The following PRICKLE1 variants were observed in gnomAD, a reference collection of about 807,000 sequenced individuals.
The protein encoded by PRICKLE1 is prickle-like protein 1.
Under a neutral mutation model 70.2 loss-of-function variants are expected in PRICKLE1, and 14 were observed. The ratio of observed to expected loss-of-function variants is 0.20; its 90% CI spans 0.13 to 0.31. The LOEUF (loss-of-function observed/expected upper bound fraction) is 0.31, where lower values mean the gene tolerates loss of function less well. Ranked by LOEUF, PRICKLE1 falls within the 10% of genes least tolerant of loss-of-function variation. The probability of loss-of-function intolerance (pLI) is 1.00; values close to 1 mark genes in which losing one functional copy is unlikely to be tolerated. For missense variants in PRICKLE1, 821 were observed against 1,026.2 expected, an observed-to-expected ratio of 0.80 and a Z score of 2.73; for synonymous variants, 357 against 379.9, an observed-to-expected ratio of 0.94 and a Z score of 0.70.
intron 1 of PRICKLE1, among the ~76,000 whole-genome samples, chr12:42,530,851 T>C (rs1375394857): frequency 6.6e-6 from 1 of 150,674 alleles, no homozygotes; most frequent in East Asian, 2.0e-4. Context: ...CTGTAAAACA[T>C]GGTGAAACCC....
At chr12:42,543,070 C>T (rs1302894691) in intron 1 of PRICKLE1, among the ~76,000 whole-genome samples, 1 of 152,184 alleles carries the variant, frequency 6.6e-6, no homozygotes, top group Non-Finnish European at 1.5e-5. Flanking sequence ...AGAAAGCAAG[C>T]CTTCACCAAA....
chr12:42,534,238 A>G (rs933291239), intron 1 of PRICKLE1, among the ~76,000 whole-genome samples: 2 of 152,150 alleles, frequency 1.3e-5, no homozygotes, highest in African/African-American at 2.4e-5. Flanking sequence ...ACAATGGACA[A>G]TCTCCACTGA....
intron 1 of PRICKLE1, among the ~76,000 whole-genome samples, chr12:42,524,501 C>T (rs1939767314): frequency 6.6e-6 from 1 of 152,288 alleles, no homozygotes; most frequent in Admixed American, 6.5e-5. Flanking sequence ...GCAACCACCA[C>T]CCCCTGGGTT....
chr12:42,492,687 T>C (rs1939127627), intron 1 of PRICKLE1, among the ~76,000 whole-genome samples: 1 of 152,266 alleles, frequency 6.6e-6, no homozygotes, highest in Non-Finnish European at 1.5e-5. Context: ...TCTGCTGATC[T>C]TGAATCACAC....
chr12:42,528,254 T>C (rs1939849983), intron 1 of PRICKLE1, among the ~76,000 whole-genome samples: 2 of 151,936 alleles, frequency 1.3e-5, no homozygotes, highest in Non-Finnish European at 2.9e-5. Context: ...CTAACTGTTT[T>C]GTAGACATGA....
In PRICKLE1 at chr12:42,464,911, A is replaced by G; in HGVS notation, c.1123T>C (p.Leu375=). 3 of 1,613,998 alleles carry G rather than the reference A, an allele frequency of 1.9e-6. No individual in the cohort carries two copies. Among genetic ancestry groups the G allele is most frequent in the South Asian group, 1.1e-5 (1 of 91,066 alleles). ...GNADDTLSRK[L]DDLSLSRQGT... ...TGTCTGGAGAGACTCAGATCATCCA[A>G]TTTTCGAGAAAGGGTGTCATCAGCA... The change falls in exon 7 of 8, where the codon TTG becomes CTG. Residue 375 remains leucine (L), a synonymous_variant. Coordinates refer to ENST00000345127, the MANE Select transcript of PRICKLE1 (RefSeq NM_153026.3). This position sits in a 1 kb window ranked among gnomAD's most constrained non-coding sequence, Gnocchi z 4.2.
chr12:42,559,645 TAGAGA>T (rs1940472192), intron 1 of PRICKLE1, among the ~76,000 whole-genome samples: 1 of 70,280 alleles, frequency 1.4e-5, no homozygotes, highest in African/African-American at 4.0e-5. Flanking sequence ...TTGGGGGGGG[TAGAGA>T]TGGGGGCCTC....
chr12:42,528,372 C>G (rs545215607), intron 1 of PRICKLE1, among the ~76,000 whole-genome samples: 1 of 152,082 alleles, frequency 6.6e-6, no homozygotes, highest in East Asian at 1.9e-4. Context: ...CTGAGCCCAG[C>G]CCGAAAAACT....
At chr12:42,546,551 T>A (rs536825088) in intron 1 of PRICKLE1, among the ~76,000 whole-genome samples, 1 of 152,224 alleles carries the variant, frequency 6.6e-6, no homozygotes, top group South Asian at 2.1e-4. Context: ...GTCAGGAGTT[T>A]GAGATCAGCC....
rs752938677 is a variant in PRICKLE1, at chr12:42,460,519, T to C, written c.1786A>G (p.Lys596Glu). 3 of 1,614,100 alleles carry C rather than the reference T, an allele frequency of 1.9e-6. No homozygotes were observed. Among genetic ancestry groups the C allele is most frequent in the East Asian group, 2.2e-5 (1 of 44,876 alleles). Residue 596 changes from lysine (K) to glutamate (E), a missense_variant, in exon 8 of 8, where the codon AAG becomes GAG. Coordinates refer to ENST00000345127, the MANE Select transcript of PRICKLE1 (RefSeq NM_153026.3). ...GGACACAACTCTGAACTTAGACTCT[T>C]TAAGGACTCTGCACTCCTGTGCAGC... Reference protein sequence around the residue: ...SMLHRSAESLKSLSSELCPEK... With the variant: ...SMLHRSAESLESLSSELCPEK...
At chr12:42,569,096 T>C (rs1016002927) in intron 1 of PRICKLE1, among the ~76,000 whole-genome samples, 1 of 152,242 alleles carries the variant, frequency 6.6e-6, no homozygotes, top group African/African-American at 2.4e-5. Context: ...TCTACATCTT[T>C]ATTTTTTGAC....
chr12:42,519,582 C>T (rs914180221), intron 1 of PRICKLE1, among the ~76,000 whole-genome samples: 7 of 152,164 alleles, frequency 4.6e-5, no homozygotes, highest in African/African-American at 9.7e-5. Context: ...TGATCAACTC[C>T]GACCCCTTCT....
At chr12:42,479,888 A>C (rs561240252) in intron 1 of PRICKLE1, among the ~76,000 whole-genome samples, 1 of 152,144 alleles carries the variant, frequency 6.6e-6, no homozygotes, top group Admixed American at 6.5e-5. Context: ...TGGGAGGCAG[A>C]GGCTGCAGTG....
Position 42,459,185 on chromosome 12 carries a change from A to T in PRICKLE1, c.*624T>A. The T allele has an allele frequency of 1.5e-6, 1 of 672,176 alleles. No individual in the cohort carries two copies. The highest frequency in any genetic ancestry group is 2.7e-6 in the Non-Finnish European group (1 of 373,494). 41.6% of individuals were successfully genotyped at this position (672,176 alleles called of 1,614,324 possible). ...TCTGAACTGTACAGTATATACATTA[A>T]TATTTGCACCGTTAAATTAGGAATA... On this transcript the variant is annotated 3_prime_UTR_variant, in exon 8 of 8. Coordinates refer to ENST00000345127, the MANE Select transcript of PRICKLE1 (RefSeq NM_153026.3).
At chr12:42,491,126 C>T (rs1298991892) in intron 1 of PRICKLE1, among the ~76,000 whole-genome samples, 3 of 151,558 alleles carry the variant, frequency 2.0e-5, no homozygotes, top group Non-Finnish European at 4.4e-5. Flanking sequence ...CTGCCCGCCT[C>T]AGCCTCCCAA....
At chr12:42,586,336 TAC>T (rs200439791) in intron 1 of PRICKLE1, among the ~76,000 whole-genome samples, 1,581 of 152,264 alleles carry the variant, frequency 0.01, 12 homozygotes, top group Middle Eastern at 0.034. Flanking sequence ...AGTCAAATGA[TAC>T]TTTTAACATT....
chr12:42,516,191 G>T (rs1029625117), intron 1 of PRICKLE1, among the ~76,000 whole-genome samples: 2 of 152,004 alleles, frequency 1.3e-5, no homozygotes, highest in African/African-American at 4.8e-5. Context: ...GAGTGCAGTG[G>T]TGCAATCTCG....
chr12:42,542,583 G>A (rs535948655), intron 1 of PRICKLE1, among the ~76,000 whole-genome samples: 16 of 152,194 alleles, frequency 1.1e-4, no homozygotes, highest in Non-Finnish European at 1.9e-4. Context: ...CCCAGGAGGC[G>A]GAGGTTGCAG....
At chr12:42,515,012 C>T (rs1281470993) in intron 1 of PRICKLE1, among the ~76,000 whole-genome samples, 2 of 151,980 alleles carry the variant, frequency 1.3e-5, no homozygotes, top group Admixed American at 6.6e-5. Context: ...CTGCAACTTC[C>T]GCCTCCCAGG....
Sources: gnomAD v4.1 joint callset for allele counts (sites outside exome capture counted in the v4.1 genomes callset) on GRCh38, gnomAD v4.1.1 for gene constraint, Gnocchi (gnomAD v3.1) non-coding constraint, MANE v1.5 for transcripts, NCBI Gene and HGNC (gene_info 2026-07-23, HGNC 2026-07-21) for gene names.